NEURL1B: variants seen among roughly 807,000 people sequenced by gnomAD.
The protein encoded by NEURL1B is E3 ubiquitin-protein ligase NEURL1B.
NEURL1B carries 13 observed loss-of-function variants against 37.4 expected under a neutral mutation model. The ratio of observed to expected loss-of-function variants is 0.35; its 90% confidence interval spans 0.23 to 0.55. The LOEUF (loss-of-function observed/expected upper bound fraction) is 0.55, where lower values mean the gene tolerates loss of function less well. Among genes scored for constraint, NEURL1B ranks in the 20% least tolerant of loss-of-function variants. The pLI, the probability that NEURL1B is intolerant of heterozygous loss-of-function variation, is 0.89. For missense variants in NEURL1B, 790 were observed against 879.2 expected (o/e 0.90, Z 1.28); for synonymous variants, 432 against 426.6 (o/e 1.01, Z -0.16).
At position 172,676,766 on chromosome 5, in the gene NEURL1B, G is replaced by A. The variant is rs895869083; in HGVS notation, c.577+6436G>A. Among the ~76,000 whole-genome samples, 8 of 152,240 alleles carry A rather than the reference G, an allele frequency of 5.3e-5. No individual in the cohort carries two copies. Among genetic ancestry groups the A allele is most frequent in the African/African-American group, 1.4e-4 (6 of 41,470 alleles). On this transcript the variant is annotated intron_variant, in intron 2 of 4. Coordinates refer to ENST00000369800, the MANE Select transcript of NEURL1B (RefSeq NM_001142651.3). This position sits in a 1 kb window ranked among gnomAD's most constrained non-coding sequence, Gnocchi z 4.5. ...AGGCACAATGCTGAGAGCTTGATGTGGGTCATGTCTTCTGTTCCTTACAAG... is the reference window on the plus strand; with the variant it reads ...AGGCACAATGCTGAGAGCTTGATGTAGGTCATGTCTTCTGTTCCTTACAAG...
chr5:172,690,968 CCCTGCG>C lies in NEURL1B; in HGVS notation c.*4049_*4054del, dbSNP rs1214375184. ...GAGGCAATAACCTCCCATTGCTCGG[CCCTGCG>C]CCTGCCCCAGTCCTGGCAGGGGGCA... On this transcript the variant is annotated 3_prime_UTR_variant, in exon 5 of 5. Coordinates refer to ENST00000369800, the MANE Select transcript of NEURL1B (RefSeq NM_001142651.3). 6.6e-6 allele frequency: 1 copy of C among 152,112 alleles called. No individual in the cohort carries two copies. The highest frequency in any genetic ancestry group is 1.5e-5 in the Non-Finnish European group (1 of 68,020). The allele number at this position is 152,112 out of a possible 1,614,324, so 9.4% of individuals were successfully genotyped here. A position where few individuals can be genotyped will look rare whatever the true frequency, so the allele number is the denominator to read the frequency against.
intron 1 of NEURL1B, among the ~76,000 whole-genome samples, chr5:172,644,907 C>T (rs1246932402): frequency 6.6e-6 from 1 of 152,168 alleles, no homozygotes; most frequent in East Asian, 1.9e-4. Flanking sequence ...GACTCATCCC[C>T]TTCTCCTAAC....
chr5:172,680,369 C>G (rs1415474167), intron 2 of NEURL1B, among the ~76,000 whole-genome samples: 1 of 151,786 alleles, frequency 6.6e-6, no homozygotes, highest in Non-Finnish European at 1.5e-5. Flanking sequence ...GGATGCTGCA[C>G]TGATGGGCTC....
chr5:172,690,553 G>C lies in NEURL1B; in HGVS notation c.*3628G>C, dbSNP rs1039447147. The C allele has an allele frequency of 6.6e-6, 1 of 152,294 alleles. No individual in the cohort carries two copies. The highest frequency in any genetic ancestry group is 1.5e-5 in the Non-Finnish European group (1 of 68,092). 9.4% of individuals were successfully genotyped at this position (152,294 alleles called of 1,614,324 possible). On this transcript the variant is annotated 3_prime_UTR_variant, in exon 5 of 5. Transcript: ENST00000369800. ...GTACGTGTGAGGTGCTGTGAGGATA[G>C]AGCAGAGAGGACTGTGCCCCAGCTG...
In NEURL1B at chr5:172,669,888, CA is replaced by C; in HGVS notation, c.138del (p.Gly47AlafsTer63). The C allele has an allele frequency of 6.9e-7, 1 of 1,443,878 alleles. No individual in the cohort carries two copies. Among genetic ancestry groups the C allele is most frequent in the Non-Finnish European group, 9.1e-7 (1 of 1,101,564 alleles). 89.4% of individuals were successfully genotyped at this position (1,443,878 alleles called of 1,614,324 possible). A position where few individuals can be genotyped will look rare whatever the true frequency, so the allele number is the denominator to read the frequency against. On this transcript the variant is annotated frameshift_variant, in exon 2 of 5. Coordinates refer to ENST00000369800, the MANE Select transcript of NEURL1B (RefSeq NM_001142651.3). LOFTEE classifies it high-confidence loss of function. ...GEAPRFHAQA[K>X]GKNVRLDGHS... is the part of the protein sequence containing the mutation. ...AGGCGCCGCGCTTCCACGCGCAGGC[CA>C]AAGGCAAGAACGTGCGGCTGGACGG...
chr5:172,644,119 T>G (rs774642536), intron 1 of NEURL1B, among the ~76,000 whole-genome samples: 14 of 152,212 alleles, frequency 9.2e-5, no homozygotes, highest in Non-Finnish European at 1.8e-4. Context: ...AGATTTTGTC[T>G]GTTTTATTCA....
chr5:172,663,819 G>A (rs1757949982), intron 1 of NEURL1B, among the ~76,000 whole-genome samples: 1 of 51,926 alleles, frequency 1.9e-5, no homozygotes, highest in Non-Finnish European at 4.9e-5. Context: ...GGCAAAAGAG[G>A]TTTTATTTGT....
intron 1 of NEURL1B, chr5:172,656,708 G>T: frequency 1.5e-6 from 2 of 1,292,674 alleles, no homozygotes; most frequent in East Asian, 2.4e-5. Context: ...CTTCGCGGCC[G>T]GACATGGCGC....
Position 172,647,890 on chromosome 5 carries a change from C to T in NEURL1B, c.31+6453C>T, listed in dbSNP as rs1171018573. Among the ~76,000 whole-genome samples, 1 of 152,164 alleles carries T rather than the reference C, an allele frequency of 6.6e-6. No individual in the cohort carries two copies. Among genetic ancestry groups the T allele is most frequent in the Non-Finnish European group, 1.5e-5 (1 of 68,024 alleles). On this transcript the variant is annotated intron_variant, in intron 1 of 4. Transcript: ENST00000369800. This position sits in a 1 kb window ranked among gnomAD's most constrained non-coding sequence, Gnocchi z 4.2. ...TAAAAACTGGCCCATGCTGACACCCCCAGCCCCCAATGGCAAGCATCACAG... is the reference window on the plus strand; with the variant it reads ...TAAAAACTGGCCCATGCTGACACCCTCAGCCCCCAATGGCAAGCATCACAG...
Position 172,665,215 on chromosome 5 carries a change from G to C in NEURL1B, c.32-4570G>C, listed in dbSNP as rs1269563092. Among the ~76,000 whole-genome samples the C allele has an allele frequency of 6.6e-6, 1 of 152,206 alleles. No homozygotes were observed. The highest frequency in any genetic ancestry group is 1.5e-5 in the Non-Finnish European group (1 of 68,032). On this transcript the variant is annotated intron_variant, in intron 1 of 4. Transcript: ENST00000369800. The surrounding 1 kb of genome is among the most constrained non-coding windows in gnomAD (Gnocchi z 4.1). ...ATATTTAATGTTTCCTGGAGGATTTGCCAGCTGGAGGGGGCCTTGGCCTGC... is the reference window on the plus strand; with the variant it reads ...ATATTTAATGTTTCCTGGAGGATTTCCCAGCTGGAGGGGGCCTTGGCCTGC...
rs917368364 is a variant in NEURL1B at position 172,641,626 on chromosome 5, C to T, written c.31+189C>T. ...GGCTGGGCTTTGCGCCCCGGGAGGG[C>T]GGGTACCGCGTCCTGGTTACCTTGG... On this transcript the variant is annotated intron_variant, in intron 1 of 4. Coordinates refer to ENST00000369800, the MANE Select transcript of NEURL1B (RefSeq NM_001142651.3). The surrounding 1 kb of genome is among the most constrained non-coding windows in gnomAD (Gnocchi z 6.4). Among the ~76,000 whole-genome samples the T allele has an allele frequency of 2.6e-5, 4 of 152,082 alleles. No individual in the cohort carries two copies. The highest frequency in any genetic ancestry group is 9.7e-5 in the African/African-American group (4 of 41,424).
Position 172,684,013 on chromosome 5 carries a change from G to C in NEURL1B, c.1172G>C (p.Gly391Ala). The stretch of plus-strand genomic sequence containing the variant: ...GCGCTCAGCTTCACGCTGCGGCCCG[G>C]CGGCGACGTGCTCCTGGGCATCAAC... ...GDALSFTLRP[G>A]GDVLLGINGR... Residue 391 changes from glycine to alanine, a missense_variant, in exon 3 of 5, where the codon GGC (glycine) becomes GCC (alanine). Around this residue, in one of 3 missense-constraint regions of NEURL1B, gnomAD observed 460 missense variants for 407.4 expected, o/e 1.13. Coordinates refer to ENST00000369800, the MANE Select transcript of NEURL1B (RefSeq NM_001142651.3). The C allele has an allele frequency of 1.1e-5, 15 of 1,335,772 alleles. No individual in the cohort carries two copies. The highest frequency in any genetic ancestry group is 1.4e-5 in the Non-Finnish European group (15 of 1,040,890). The allele number at this position is 1,335,772 out of a possible 1,614,324, so 82.7% of individuals were successfully genotyped here. A position where few individuals can be genotyped will look rare whatever the true frequency, so the allele number is the denominator to read the frequency against.
chr5:172,687,289 ATG>A lies in NEURL1B; in HGVS notation c.*373_*374del, dbSNP rs936105258. Reference sequence around the variant, plus strand: ...AGGGGAGGGAGGGAGAACAGAGAGAATGTGTGTGTGAGAGAGAGAGAGAGAGA... The same window carrying A: ...AGGGGAGGGAGGGAGAACAGAGAGAATGTGTGTGAGAGAGAGAGAGAGAGA... On this transcript the variant is annotated 3_prime_UTR_variant, in exon 5 of 5. Transcript: ENST00000369800. The A allele has an allele frequency of 2.9e-5, 6 of 207,308 alleles. No homozygotes were observed. The highest frequency in any genetic ancestry group is 1.2e-4 in the South Asian group (1 of 8,586). The allele number at this position is 207,308 out of a possible 1,614,324, so 12.8% of individuals were successfully genotyped here.
At chr5:172,666,174 AAAC>A (rs1420133718) in intron 1 of NEURL1B, among the ~76,000 whole-genome samples, 4 of 145,454 alleles carry the variant, frequency 2.8e-5, no homozygotes, top group South Asian at 2.1e-4. Flanking sequence ...GGTAAAAAAC[AAAC>A]AACAACCACC....
At chr5:172,643,385 G>T (rs1186890129) in intron 1 of NEURL1B, among the ~76,000 whole-genome samples, 1 of 152,160 alleles carries the variant, frequency 6.6e-6, no homozygotes, top group Non-Finnish European at 1.5e-5. Flanking sequence ...GCATGTGATG[G>T]TCCCCATGCA....
At chr5:172,660,963 C>A (rs575152369) in intron 1 of NEURL1B, among the ~76,000 whole-genome samples, 2 of 152,226 alleles carry the variant, frequency 1.3e-5, no homozygotes, top group East Asian at 3.9e-4. Context: ...ACTTTTAAAC[C>A]CACCAATGGA....
chr5:172,645,858 G>A (rs1366554620), intron 1 of NEURL1B, among the ~76,000 whole-genome samples: 2 of 152,230 alleles, frequency 1.3e-5, no homozygotes, highest in Non-Finnish European at 2.9e-5. Context: ...ACTCAGAGAG[G>A]GAAAGTCAGC....
chr5:172,683,604 G>C lies in NEURL1B; in HGVS notation c.763G>C (p.Ala255Pro). The part of the protein sequence containing the change: ...RAPGPPPADA[A>P]AAAIPCGPRE... The stretch of plus-strand genomic sequence containing the variant: ...CCCGGGCCCACCGCCAGCCGACGCC[G>C]CGGCCGCCGCCATTCCGTGCGGGCC... Residue 255 changes from alanine to proline, a missense_variant, in exon 3 of 5, where the codon GCG becomes CCG. Around this residue, in one of 3 missense-constraint regions of NEURL1B, gnomAD observed 460 missense variants for 407.4 expected, o/e 1.13. Transcript: ENST00000369800. This position sits in a 1 kb window ranked among gnomAD's most constrained non-coding sequence, Gnocchi z 5.6. The C allele has an allele frequency of 8.0e-7, 1 of 1,255,698 alleles. No homozygotes were observed. Among genetic ancestry groups the C allele is most frequent in the Non-Finnish European group, 1.0e-6 (1 of 999,646 alleles). The allele number at this position is 1,255,698 out of a possible 1,614,324, so 77.8% of individuals were successfully genotyped here.
intron 1 of NEURL1B, among the ~76,000 whole-genome samples, chr5:172,646,955 C>G (rs1320080012): frequency 6.6e-6 from 1 of 151,094 alleles, no homozygotes; most frequent in South Asian, 2.1e-4. Flanking sequence ...AGGCGGGGGC[C>G]GGGGGTAAGA....
Sources: allele counts gnomAD v4.1 joint callset (sites outside exome capture counted in the v4.1 genomes callset), GRCh38; gene constraint gnomAD v4.1.1; regional missense constraint gnomAD v4.1.1; non-coding constraint Gnocchi (gnomAD v3.1); transcripts MANE v1.5; gene names NCBI Gene and HGNC (gene_info 2026-07-23, HGNC 2026-07-21).